MCTP1: variants seen among roughly 807,000 people sequenced by gnomAD.
The protein encoded by MCTP1 is multiple C2 and transmembrane domain-containing protein 1.
A neutral mutation model predicts 120.6 loss-of-function variants in MCTP1; 69 were observed. The ratio of observed to expected loss-of-function variants is 0.57; its 90% CI spans 0.47 to 0.70. The LOEUF (loss-of-function observed/expected upper bound fraction) is 0.70, where lower values mean the gene tolerates loss of function less well. Ranked by LOEUF, MCTP1 falls within the 30% of genes least tolerant of loss-of-function variation. MCTP1 has a pLI of 0.00. For missense variants in MCTP1, 1,203 were observed against 1,248.8 expected (o/e 0.96, Z 0.55); for synonymous variants, 529 against 493.1 (o/e 1.07, Z -0.96).
intron 1 of MCTP1, among the ~76,000 whole-genome samples, chr5:95,171,762 A>C (rs1226054108): frequency 6.6e-6 from 1 of 151,736 alleles, no homozygotes; most frequent in Non-Finnish European, 1.5e-5. Context: ...CAGCTCCATC[A>C]GGTCATTTAA....
At chr5:94,781,184 A>G (rs1776505813) in intron 18 of MCTP1, among the ~76,000 whole-genome samples, 1 of 151,942 alleles carries the variant, frequency 6.6e-6, no homozygotes, top group South Asian at 2.1e-4. Flanking sequence ...CAAATACATC[A>G]AGGAAAATGA....
At chr5:95,166,880 C>G (rs1746456363) in intron 1 of MCTP1, among the ~76,000 whole-genome samples, 1 of 151,302 alleles carries the variant, frequency 6.6e-6, no homozygotes, top group East Asian at 2.0e-4. Flanking sequence ...TTAATCATTT[C>G]TCTAAACATT....
At chr5:95,225,407 T>G (rs773086141) in intron 1 of MCTP1, among the ~76,000 whole-genome samples, 13 of 152,160 alleles carry the variant, frequency 8.5e-5, no homozygotes, top group Non-Finnish European at 5.9e-5. Flanking sequence ...CTCCAGACAG[T>G]AATGGCTTCT....
rs529866317 is a variant in MCTP1, at chr5:94,890,575, A to C, written c.1840-1603T>G. 1.4e-4 allele frequency among the ~76,000 whole-genome samples: 22 copies of C among 152,340 alleles called. No individual in the cohort carries two copies. In the East Asian group the frequency reaches 3.5e-3, roughly 24 times the overall value. On this transcript the variant is annotated intron_variant, in intron 11 of 22. Coordinates refer to ENST00000515393, the MANE Select transcript of MCTP1 (RefSeq NM_024717.7). ...TGACTAAAAATAAATTCAAAAGTGG[A>C]AATTTTTCTTAAATTTACAGTTTTA... is the stretch of plus-strand genomic sequence containing the variant.
chr5:94,854,691 C>T lies in MCTP1; in HGVS notation c.2436+13642G>A, dbSNP rs116495957. ...CCATTAGTCCCCATACTGTGTGATC[C>T]GGAGGCTCATCAGGGTAAGTATGCT... On this transcript the variant is annotated intron_variant, in intron 17 of 22. Coordinates refer to ENST00000515393, the MANE Select transcript of MCTP1 (RefSeq NM_024717.7). Among the ~76,000 whole-genome samples the T allele has an allele frequency of 6.4e-3, 970 of 151,882 alleles. 14 individuals are homozygous for T. Among genetic ancestry groups the T allele is most frequent in the African/African-American group, 0.022 (893 of 41,466 alleles).
At chr5:95,160,953 T>A (rs1745661333) in intron 1 of MCTP1, among the ~76,000 whole-genome samples, 1 of 152,124 alleles carries the variant, frequency 6.6e-6, no homozygotes, top group South Asian at 2.1e-4. Context: ...CAAGTGTTAG[T>A]AAGGGTGTGG....
chr5:94,954,298 C>G (rs762168960), intron 2 of MCTP1, among the ~76,000 whole-genome samples: 5 of 149,858 alleles, frequency 3.3e-5, no homozygotes, highest in Non-Finnish European at 7.4e-5. Context: ...TGAAATGACT[C>G]AGAGAAAGTA....
At chr5:94,999,087 T>C (rs1159307457) in intron 2 of MCTP1, among the ~76,000 whole-genome samples, 2 of 152,228 alleles carry the variant, frequency 1.3e-5, no homozygotes, top group Non-Finnish European at 1.5e-5. Flanking sequence ...AAAGTATTGT[T>C]ACTTTGGTTA....
At chr5:95,262,309 C>G (rs1024784930) in intron 1 of MCTP1, among the ~76,000 whole-genome samples, 1 of 152,170 alleles carries the variant, frequency 6.6e-6, no homozygotes, top group East Asian at 1.9e-4. Context: ...TAGTTCATTT[C>G]AAGCGTGAAA....
intron 2 of MCTP1, among the ~76,000 whole-genome samples, chr5:94,975,963 G>A (rs1392472878): frequency 6.6e-6 from 1 of 152,074 alleles, no homozygotes; most frequent in Admixed American, 6.6e-5. Flanking sequence ...AGAAATCTTT[G>A]TTGACTGAAA....
At chr5:95,059,469 C>G (rs1317839890) in intron 1 of MCTP1, among the ~76,000 whole-genome samples, 4 of 151,940 alleles carry the variant, frequency 2.6e-5, no homozygotes, top group Non-Finnish European at 5.9e-5. Flanking sequence ...ATATTATGCT[C>G]ACTACCTAGG....
chr5:94,731,431 T>C (rs1490754911), intron 19 of MCTP1, among the ~76,000 whole-genome samples: 2 of 152,222 alleles, frequency 1.3e-5, no homozygotes, highest in African/African-American at 4.8e-5. Flanking sequence ...TTCTCAAAAA[T>C]GTTACTTATT....
chr5:95,263,228 CA>C (rs1758617441), intron 1 of MCTP1, among the ~76,000 whole-genome samples: 1 of 152,140 alleles, frequency 6.6e-6, no homozygotes, highest in African/African-American at 2.4e-5. Flanking sequence ...AGCTCCAGCC[CA>C]AGTTCTGAGA....
chr5:94,910,549 G>C (rs1420192124), intron 9 of MCTP1, among the ~76,000 whole-genome samples: 1 of 152,068 alleles, frequency 6.6e-6, no homozygotes, highest in Non-Finnish European at 1.5e-5. Context: ...ATATGCAAAG[G>C]TAATGCAAAT....
At chr5:94,978,408 T>A (rs900131044) in intron 2 of MCTP1, among the ~76,000 whole-genome samples, 1 of 152,186 alleles carries the variant, frequency 6.6e-6, no homozygotes, top group Non-Finnish European at 1.5e-5. Context: ...ACTCCCATAT[T>A]CATTGCAACA....
intron 10 of MCTP1, among the ~76,000 whole-genome samples, chr5:94,903,637 G>C (rs188136551): frequency 7.0e-4 from 106 of 152,240 alleles, no homozygotes; most frequent in African/African-American, 2.5e-3. Context: ...TGACTCAAGC[G>C]TACATTGGTA....
chr5:95,144,010 T>C (rs1760158276), intron 1 of MCTP1, among the ~76,000 whole-genome samples: 1 of 152,188 alleles, frequency 6.6e-6, no homozygotes, highest in African/African-American at 2.4e-5. Context: ...ACTGAACTAA[T>C]TTGCATTCCT....
intron 1 of MCTP1, among the ~76,000 whole-genome samples, chr5:95,149,302 G>A (rs748899835): frequency 2.0e-5 from 3 of 152,198 alleles, no homozygotes; most frequent in Non-Finnish European, 2.9e-5. Context: ...GAACTCGGGT[G>A]TCTCACCCCC....
At chr5:94,795,683 A>G (rs1198069613) in intron 18 of MCTP1, among the ~76,000 whole-genome samples, 2 of 152,170 alleles carry the variant, frequency 1.3e-5, no homozygotes, top group Admixed American at 1.3e-4. Flanking sequence ...TAGAAATTTT[A>G]ATGTCATGGT....
Sources: allele counts gnomAD v4.1 joint callset (sites outside exome capture counted in the v4.1 genomes callset), GRCh38; gene constraint gnomAD v4.1.1; transcripts MANE v1.5; gene names NCBI Gene and HGNC (gene_info 2026-07-23, HGNC 2026-07-21).